ZBTB16: variants seen among roughly 807,000 people sequenced by gnomAD.
ZBTB16 encodes zinc finger and BTB domain containing 16.
A neutral mutation model predicts 56.8 loss-of-function variants in ZBTB16; 8 were observed. That is an observed-to-expected ratio of 0.14 (90% confidence interval 0.08 to 0.25). The LOEUF (loss-of-function observed/expected upper bound fraction) is 0.25. ZBTB16 is among the 10% of genes least tolerant of loss of function. The probability of loss-of-function intolerance (pLI) is 1.00; values close to 1 mark genes in which losing one functional copy is unlikely to be tolerated. For synonymous variants in ZBTB16, 363 were observed against 368.5 expected (o/e 0.98, Z 0.17); for missense variants, 625 against 903.0 (o/e 0.69, Z 3.95).
intron 3 of ZBTB16, among the ~76,000 whole-genome samples, chr11:114,173,846 T>C (rs527397309): frequency 1.3e-5 from 2 of 152,260 alleles, no homozygotes; most frequent in Admixed American, 6.5e-5. Context: ...AATGTGAGAG[T>C]CCATTTTTCT....
At chr11:114,148,325 A>ATGGCTGGC (rs144399770) in intron 2 of ZBTB16, among the ~76,000 whole-genome samples, 6 of 91,080 alleles carry the variant, frequency 6.6e-5, no homozygotes, top group East Asian at 2.8e-4. Context: ...CATAGGATGC[A>ATGGCTGGC]TGGCTGGCTG....
At chr11:114,190,303 C>T (rs1366096603) in intron 4 of ZBTB16, among the ~76,000 whole-genome samples, 2 of 152,132 alleles carry the variant, frequency 1.3e-5, no homozygotes, top group African/African-American at 2.4e-5. Context: ...TCCTGATAAA[C>T]CCATCATAAG....
At chr11:114,062,366 G>C (rs1371935216) in intron 1 of ZBTB16, among the ~76,000 whole-genome samples, 1 of 151,744 alleles carries the variant, frequency 6.6e-6, no homozygotes, top group Non-Finnish European at 1.5e-5. Context: ...GCCTCCCAAA[G>C]TGCTGGGATT....
chr11:114,093,342 G>GT (rs1387653408), intron 2 of ZBTB16, among the ~76,000 whole-genome samples: 1 of 151,864 alleles, frequency 6.6e-6, no homozygotes, highest in Non-Finnish European at 1.5e-5. Flanking sequence ...GGGTGTGGAG[G>GT]GGGGATGTTG....
chr11:114,114,682 C>CTTT (rs761374297), intron 2 of ZBTB16, among the ~76,000 whole-genome samples: 1 of 140,142 alleles, frequency 7.1e-6, no homozygotes, highest in African/African-American at 2.6e-5. Flanking sequence ...TATGTTTTTT[C>CTTT]TTTTTTTTTT....
chr11:114,119,366 TTGTGTCTGTGTG>T (rs1941278106), intron 2 of ZBTB16, among the ~76,000 whole-genome samples: 1 of 150,766 alleles, frequency 6.6e-6, no homozygotes, highest in South Asian at 2.1e-4. Flanking sequence ...GTGTGTGTGT[TTGTGTCTGTGTG>T]TGTGTGCACA....
chr11:114,216,849 C>T (rs1297549314), intron 4 of ZBTB16, among the ~76,000 whole-genome samples: 4 of 152,184 alleles, frequency 2.6e-5, no homozygotes, highest in African/African-American at 9.7e-5. Flanking sequence ...TGACTAGACC[C>T]AGTCTCTTGA....
At chr11:114,190,280 C>A (rs1402859708) in intron 4 of ZBTB16, among the ~76,000 whole-genome samples, 1 of 152,152 alleles carries the variant, frequency 6.6e-6, no homozygotes, top group Non-Finnish European at 1.5e-5. Context: ...CCTCGACTTA[C>A]AATGGGACTG....
rs141624795 is a variant in ZBTB16, at chr11:114,146,722, G to A, written c.1269-9615G>A. ...AAATCAGCTGGGCATGGTGGCTCAT[G>A]CCTGTAGTCTCAGCTACTCTGGAGG... is the stretch of plus-strand genomic sequence containing the variant. On this transcript the variant is annotated intron_variant, in intron 2 of 6. Coordinates refer to ENST00000335953, the MANE Select transcript of ZBTB16 (RefSeq NM_006006.6). 3.1e-3 allele frequency among the ~76,000 whole-genome samples: 471 copies of A among 152,016 alleles called. 28 individuals are homozygous for A. In the East Asian group the frequency reaches 0.079, roughly 25 times the overall value.
intron 2 of ZBTB16, among the ~76,000 whole-genome samples, chr11:114,152,268 A>C (rs1942296778): frequency 6.6e-6 from 1 of 152,242 alleles, no homozygotes; most frequent in African/African-American, 2.4e-5. Flanking sequence ...TCTCTAAACC[A>C]GATGAAATCT....
chr11:114,172,566 C>T (rs574251471), intron 3 of ZBTB16, among the ~76,000 whole-genome samples: 3 of 152,302 alleles, frequency 2.0e-5, no homozygotes, highest in South Asian at 4.1e-4. Context: ...TTAACCTCTG[C>T]GGCAAAGTTG....
Position 114,087,009 on chromosome 11 carries a change from G to A in ZBTB16, c.1268+22441G>A, listed in dbSNP as rs1053203658. 6.6e-5 allele frequency among the ~76,000 whole-genome samples: 10 copies of A among 151,990 alleles called. No homozygotes were observed. The South Asian group carries it at 8.3e-4, about 13-fold the overall frequency. ...GTATTTCCTGGAACTCCCTCCCTAG[G>A]GTCAGTGCCATGTGGTGCCTGGAAC... On this transcript the variant is annotated intron_variant, in intron 2 of 6. Transcript: ENST00000335953.
chr11:114,082,199 G>C (rs1939790280), intron 2 of ZBTB16, among the ~76,000 whole-genome samples: 1 of 151,788 alleles, frequency 6.6e-6, no homozygotes. Context: ...AGGATGGCTT[G>C]AACTTATAAG....
At chr11:114,220,262 C>T (rs1256320390) in intron 4 of ZBTB16, among the ~76,000 whole-genome samples, 1 of 152,224 alleles carries the variant, frequency 6.6e-6, no homozygotes, top group African/African-American at 2.4e-5. Flanking sequence ...AACTGCTTGC[C>T]TGCTATTCTC....
At chr11:114,209,910 A>AG in intron 4 of ZBTB16, 8 of 985,414 alleles carry the variant, frequency 8.1e-6, no homozygotes, top group Non-Finnish European at 9.6e-6. Flanking sequence ...TATGTCTGCT[A>AG]CAGTCTCAGG....
chr11:114,106,932 C>T (rs772869643), intron 2 of ZBTB16, among the ~76,000 whole-genome samples: 25 of 152,174 alleles, frequency 1.6e-4, no homozygotes, highest in Non-Finnish European at 1.3e-4. Context: ...GCTCTCATAG[C>T]CCAGTCCCTG....
chr11:114,187,133 G>C (rs755173192), intron 4 of ZBTB16, 95 bp downstream of exon 4: 8 of 1,181,676 alleles, frequency 6.8e-6, no homozygotes, highest in Non-Finnish European at 1.0e-5. Context: ...TTTAGCAAAT[G>C]TGACATCCAG....
At chr11:114,068,109 T>C (rs997576875) in intron 2 of ZBTB16, among the ~76,000 whole-genome samples, 2 of 146,924 alleles carry the variant, frequency 1.4e-5, no homozygotes, top group African/African-American at 5.1e-5. Flanking sequence ...CAGGAAGCCA[T>C]GGCATTCACT....
intron 4 of ZBTB16, among the ~76,000 whole-genome samples, chr11:114,208,907 C>T (rs1044147654): frequency 6.6e-6 from 1 of 152,184 alleles, no homozygotes; most frequent in African/African-American, 2.4e-5. Context: ...CGGCGTCATC[C>T]GAATGGGTCA....
Sources: gnomAD v4.1 joint callset for allele counts (sites outside exome capture counted in the v4.1 genomes callset) on GRCh38, gnomAD v4.1.1 for gene constraint, MANE v1.5 for transcripts, NCBI Gene and HGNC (gene_info 2026-07-23, HGNC 2026-07-21) for gene names.